The following TMIGD3 variants were observed in gnomAD, a reference collection of about 807,000 sequenced individuals.
TMIGD3 encodes AD026 protein (AD026).
TMIGD3 carries 21 observed loss-of-function variants against 28.1 expected under a neutral mutation model. The observed-to-expected ratio is 0.75, with a 90% CI of 0.53 to 1.08. The LOEUF (loss-of-function observed/expected upper bound fraction) is 1.08, where lower values mean the gene tolerates loss of function less well. Among genes scored for constraint, TMIGD3 ranks in the 50% least tolerant of loss-of-function variants. The pLI is 0.00. For synonymous variants in TMIGD3, 151 were observed against 162.1 expected (o/e 0.93, Z 0.52); for missense variants, 416 against 435.6 (o/e 0.96, Z 0.40).
At position 111,503,141 on chromosome 1, in the gene TMIGD3, C is replaced by A; in HGVS notation, c.214G>T (p.Val72Phe). The A allele has an allele frequency of 1.2e-6, 2 of 1,614,192 alleles. No homozygotes were observed. The highest frequency in any genetic ancestry group is 1.7e-6 in the Non-Finnish European group (2 of 1,180,028). The part of the protein sequence containing the change: ...GVLVMPLAIV[V>F]SLGITIHFYS... ...AAGTGGATTGTGATGCCCAGGCTGA[C>A]AACAATGGCCAAAGGCATGACCAGC... is the stretch of plus-strand genomic sequence containing the variant. Residue 72 changes from valine to phenylalanine, a missense_variant, in exon 1 of 6, where the codon GTC (valine) becomes TTC (phenylalanine). Transcript: ENST00000369716.
chr1:111,536,867 A>G (rs951427029), intron 1 of TMIGD3, among the ~76,000 whole-genome samples: 3 of 151,856 alleles, frequency 2.0e-5, no homozygotes, highest in African/African-American at 7.3e-5. Context: ...TCACCTTCCA[A>G]TGACTGGTGC....
At chr1:111,543,254 C>T (rs1459248653) in intron 1 of TMIGD3, among the ~76,000 whole-genome samples, 2 of 151,950 alleles carry the variant, frequency 1.3e-5, no homozygotes, top group Non-Finnish European at 2.9e-5. Flanking sequence ...GGTGTGTATG[C>T]GTGTTTCTGT....
At chr1:111,503,646 G>A (rs1379392570), upstream of TMIGD3, 1 of 1,155,804 alleles carries the variant, frequency 8.7e-7, no homozygotes, top group Non-Finnish European at 1.1e-6. Context: ...ATCTGAAAGT[G>A]CTGCTGCTCT....
At position 111,521,917 on chromosome 1, in the gene TMIGD3, C is replaced by T. The variant is rs911863753; in HGVS notation, c.108-31155G>A. ...TTATATTCAAGTCAATATTACATTT[C>T]AAGTTAATTTTTGTATATGGTATGA... On this transcript the variant is annotated intron_variant, in intron 1 of 5. Coordinates refer to the TMIGD3 transcript ENST00000369717. Among the ~76,000 whole-genome samples, 61 of 152,260 alleles carry T rather than the reference C, an allele frequency of 4.0e-4. 1 individual carries two copies. Among genetic ancestry groups the T allele is most frequent in the Admixed American group, 3.9e-3 (59 of 15,290 alleles).
At chr1:111,511,238 T>A (rs1039803001) in intron 1 of TMIGD3, among the ~76,000 whole-genome samples, 1 of 152,228 alleles carries the variant, frequency 6.6e-6, no homozygotes, top group African/African-American at 2.4e-5. Flanking sequence ...GGTAAACTCC[T>A]TAAATGTAGA....
Position 111,483,537 on chromosome 1 carries a change from G to C in TMIGD3, c.*150C>G, listed in dbSNP as rs912201405. ...CATAGCTCCTCTGACTACCGCCGTT[G>C]CTACCTGGCTGCAAATGATTGTTGT... On this transcript the variant is annotated 3_prime_UTR_variant, in exon 6 of 6. Coordinates refer to ENST00000369716, the MANE Select transcript of TMIGD3 (RefSeq NM_020683.7). 9.8e-6 allele frequency: 7 copies of C among 714,088 alleles called. No individual in the cohort carries two copies. Among genetic ancestry groups the C allele is most frequent in the Non-Finnish European group, 1.5e-5 (6 of 402,308 alleles). 44.2% of individuals were successfully genotyped at this position (714,088 alleles called of 1,614,324 possible). A position where few individuals can be genotyped will look rare whatever the true frequency, so the allele number is the denominator to read the frequency against.
intron 1 of TMIGD3, among the ~76,000 whole-genome samples, chr1:111,514,643 A>AACACACACACACACAC (rs113195244): frequency 1.0e-4 from 15 of 149,016 alleles, no homozygotes; most frequent in African/African-American, 3.4e-4. Context: ...ACAGTATGGG[A>AACACACACACACACAC]ACACACACAC....
chr1:111,494,142 C>T (rs927061801), intron 1 of TMIGD3, among the ~76,000 whole-genome samples: 4 of 152,202 alleles, frequency 2.6e-5, no homozygotes, highest in Admixed American at 1.3e-4. Flanking sequence ...TATAGGAAGT[C>T]GGATTGCTAT....
chr1:111,490,002 T>C (rs1654579899), intron 2 of TMIGD3, among the ~76,000 whole-genome samples: 1 of 152,066 alleles, frequency 6.6e-6, no homozygotes, highest in Non-Finnish European at 1.5e-5. Flanking sequence ...CAGGCTCAGG[T>C]TCTTTATAAC....
upstream of TMIGD3, among the ~76,000 whole-genome samples, chr1:111,507,944 G>A (rs1194361640): frequency 6.6e-6 from 1 of 152,206 alleles, no homozygotes; most frequent in Non-Finnish European, 1.5e-5. Context: ...GCTTTCCCGC[G>A]CCGGGGGCTG....
At chr1:111,486,849 G>C (rs892323213) in intron 3 of TMIGD3, among the ~76,000 whole-genome samples, 197 bp from the exon 4 acceptor site, 1 of 152,180 alleles carries the variant, frequency 6.6e-6, no homozygotes, top group African/African-American at 2.4e-5. Context: ...ACAAGCAGGG[G>C]CCGACATTTA....
chr1:111,485,985 GTGACC>G, intron 4 of TMIGD3, 145 bp from the exon 5 acceptor site: 1 of 623,168 alleles, frequency 1.6e-6, no homozygotes, highest in Non-Finnish European at 2.8e-6. Context: ...TTCCTTTAGA[GTGACC>G]CTGTCCTTTG....
rs576487653 is a variant in TMIGD3 at position 111,529,426 on chromosome 1, G to A, written c.107+34420C>T. Among the ~76,000 whole-genome samples the A allele has an allele frequency of 6.2e-3, 928 of 150,080 alleles. 7 individuals carry two copies. Among genetic ancestry groups the A allele is most frequent in the African/African-American group, 0.022 (883 of 40,650 alleles). On this transcript the variant is annotated intron_variant, in intron 1 of 5. Coordinates refer to the TMIGD3 transcript ENST00000369717. ...GGGTGTTTCTCGCAGAGGGGGATTT[G>A]GCAGGGTCACAGGACAATAGTGGAG...
intron 1 of TMIGD3, among the ~76,000 whole-genome samples, chr1:111,550,699 T>C (rs1557845931): frequency 6.6e-6 from 1 of 152,240 alleles, no homozygotes; most frequent in East Asian, 1.9e-4. Flanking sequence ...TCTCACTATG[T>C]TGCCCAGCAG....
chr1:111,525,781 T>G (rs1013719770), intron 1 of TMIGD3, among the ~76,000 whole-genome samples: 3 of 152,096 alleles, frequency 2.0e-5, no homozygotes, highest in Non-Finnish European at 2.9e-5. Flanking sequence ...GGAGAATCAC[T>G]TGAACCTAGG....
intron 1 of TMIGD3, among the ~76,000 whole-genome samples, chr1:111,496,662 C>G (rs1654899026): frequency 6.6e-6 from 1 of 152,218 alleles, no homozygotes; most frequent in East Asian, 1.9e-4. Context: ...CACTTGTAGT[C>G]TGGTGCTGCC....
intron 1 of TMIGD3, among the ~76,000 whole-genome samples, chr1:111,530,232 A>G (rs1571440198): frequency 6.6e-6 from 1 of 152,198 alleles, no homozygotes; most frequent in Non-Finnish European, 1.5e-5. Context: ...CACACAAAGT[A>G]TGTTAAAACA....
At chr1:111,537,292 T>C (rs1387529411) in intron 1 of TMIGD3, among the ~76,000 whole-genome samples, 4 of 152,198 alleles carry the variant, frequency 2.6e-5, no homozygotes, top group African/African-American at 9.7e-5. Context: ...TTTCTGAACA[T>C]AGGGACTATC....
chr1:111,557,710 A>C (rs1225932404), intron 1 of TMIGD3, among the ~76,000 whole-genome samples: 1 of 152,234 alleles, frequency 6.6e-6, no homozygotes, highest in Non-Finnish European at 1.5e-5. Context: ...GATACTAAAC[A>C]AATAGCCTGA....
Sources: allele counts gnomAD v4.1 joint callset (sites outside exome capture counted in the v4.1 genomes callset), GRCh38; gene constraint gnomAD v4.1.1; transcripts MANE v1.5; gene names NCBI Gene and HGNC (gene_info 2026-07-23, HGNC 2026-07-21).